Variants in ADAP2 observed in about 807,000 individuals in gnomAD.
ADAP2 encodes arf-GAP with dual PH domain-containing protein 2.
Under a neutral mutation model 54.9 loss-of-function variants are expected in ADAP2, and 42 were observed. That is an observed-to-expected ratio of 0.77 (90% CI 0.60 to 0.99). The LOEUF (loss-of-function observed/expected upper bound fraction) is 0.99, where lower values mean the gene tolerates loss of function less well. Among genes scored for constraint, ADAP2 ranks in the 50% least tolerant of loss-of-function variants. The pLI is 0.00. For synonymous variants in ADAP2, 177 were observed against 180.1 expected (o/e 0.98, Z 0.14); for missense variants, 429 against 480.4 (o/e 0.89, Z 1.00).
chr17:30,958,002 G>A lies in ADAP2; in HGVS notation c.*133G>A. On this transcript the variant is annotated 3_prime_UTR_variant, in exon 11 of 11. Transcript: ENST00000330889. Reference sequence around the variant, plus strand: ...CATTCCTGGCAGTGAACTCTGCCAGGACTGAAGCTGTGGCTTTATCCATCA... The same window carrying A: ...CATTCCTGGCAGTGAACTCTGCCAGAACTGAAGCTGTGGCTTTATCCATCA... 1.2e-6 allele frequency: 1 copy of A among 868,172 alleles called. No homozygotes were observed. The highest frequency in any genetic ancestry group is 1.9e-6 in the Non-Finnish European group (1 of 533,764). The allele number at this position is 868,172 out of a possible 1,614,324, so 53.8% of individuals were successfully genotyped here. A position where few individuals can be genotyped will look rare whatever the true frequency, so the allele number is the denominator to read the frequency against.
At chr17:30,939,434 A>G (rs2142544097) in intron 5 of ADAP2, among the ~76,000 whole-genome samples, 2 of 129,864 alleles carry the variant, frequency 1.5e-5, no homozygotes, top group Middle Eastern at 3.8e-3. Flanking sequence ...AGTGAAACTG[A>G]AAAAAAAAAA....
intron 9 of ADAP2, among the ~76,000 whole-genome samples, chr17:30,955,454 A>G (rs1904994315): frequency 6.6e-6 from 1 of 151,824 alleles, no homozygotes. Flanking sequence ...ACATCTGTAA[A>G]CCCAGCATTT....
chr17:30,932,856 C>T (rs1292540034), intron 4 of ADAP2, among the ~76,000 whole-genome samples: 1 of 152,258 alleles, frequency 6.6e-6, no homozygotes, highest in East Asian at 1.9e-4. Flanking sequence ...GCATGAGCCA[C>T]CGCGCCCAGC....
chr17:30,923,023 A>T lies in ADAP2; in HGVS notation c.178A>T (p.Arg60Ter), dbSNP rs901595228. Residue 60 changes from arginine (R) to a stop codon, truncating the protein, a stop_gained, in exon 2 of 11, where the codon AGA becomes TGA. Coordinates refer to ENST00000330889, the MANE Select transcript of ADAP2 (RefSeq NM_018404.3). LOFTEE classifies it high-confidence loss of function. ...GVHRNFPDIS[R>*]VKSVRLDFWD... ...CCACCGTAACTTCCCTGACATCAGC[A>T]GAGTTAAATCTGTGCGACTTGACTT... 14 of 1,614,052 alleles carry T rather than the reference A, an allele frequency of 8.7e-6. No individual in the cohort carries two copies. Among genetic ancestry groups the T allele is most frequent in the Non-Finnish European group, 1.2e-5 (14 of 1,180,004 alleles).
intron 4 of ADAP2, among the ~76,000 whole-genome samples, chr17:30,933,332 C>T (rs1214776146): frequency 6.6e-6 from 1 of 151,962 alleles, no homozygotes; most frequent in Non-Finnish European, 1.5e-5. Flanking sequence ...GGATTACAGG[C>T]ATGCACAACC....
At chr17:30,942,955 G>A (rs1471375056) in intron 5 of ADAP2, among the ~76,000 whole-genome samples, 1 of 152,240 alleles carries the variant, frequency 6.6e-6, no homozygotes, top group South Asian at 2.1e-4. Context: ...TGGCAGGAAT[G>A]TAAATTAGTT....
chr17:30,953,915 T>TA lies in ADAP2; in HGVS notation c.805-562dup, dbSNP rs774066392. ...TTGGCTCATCAGCTATCATTAGTGT[T>TA]AGTGTATTTTATGTGTGGCCCAAGA... is the stretch of plus-strand genomic sequence containing the variant. On this transcript the variant is annotated intron_variant, in intron 8 of 10. Transcript: ENST00000330889. Among the ~76,000 whole-genome samples, 20 of 152,176 alleles carry TA rather than the reference T, an allele frequency of 1.3e-4. 1 individual carries two copies. The highest frequency in any genetic ancestry group is 3.4e-3 in the Middle Eastern group (1 of 294).
chr17:30,940,301 C>T (rs1243767428), intron 5 of ADAP2, among the ~76,000 whole-genome samples: 2 of 143,040 alleles, frequency 1.4e-5, no homozygotes, highest in Admixed American at 1.3e-4. Context: ...GATGGGTACC[C>T]TTTACAGATT....
chr17:30,955,133 A>G (rs544215117), intron 9 of ADAP2, among the ~76,000 whole-genome samples: 1 of 151,154 alleles, frequency 6.6e-6, no homozygotes, highest in South Asian at 2.1e-4. Flanking sequence ...TTTTAGAGAC[A>G]GAGTCTCTCT....
chr17:30,934,472 A>C lies in ADAP2; in HGVS notation c.510+175A>C, dbSNP rs541907020. Among the ~76,000 whole-genome samples the C allele has an allele frequency of 5.3e-5, 8 of 152,282 alleles. No homozygotes were observed. The East Asian group carries it at 1.5e-3, about 29-fold the overall frequency. On this transcript the variant is annotated intron_variant, in intron 5 of 10. Transcript: ENST00000330889. The stretch of plus-strand genomic sequence containing the variant: ...CAGTAAATCCAGTCCACCAAAAATC[A>C]TACTTTCTGTCCACCTAGAATCAGC...
At chr17:30,942,822 A>G (rs1414188672) in intron 5 of ADAP2, among the ~76,000 whole-genome samples, 2 of 152,238 alleles carry the variant, frequency 1.3e-5, no homozygotes, top group African/African-American at 4.8e-5. Flanking sequence ...CACTAATCAG[A>G]GAAATGTAAG....
chr17:30,922,857 C>T, intron 1 of ADAP2, 83 bp from the exon 2 acceptor site: 5 of 1,489,308 alleles, frequency 3.4e-6, no homozygotes, highest in Non-Finnish European at 3.7e-6. Context: ...AGGGGCGCCC[C>T]ACCTGCCCCA....
intron 2 of ADAP2, among the ~76,000 whole-genome samples, chr17:30,926,197 G>A (rs937357635): frequency 1.3e-5 from 2 of 152,210 alleles, no homozygotes; most frequent in Non-Finnish European, 2.9e-5. Flanking sequence ...AGATGCCCAA[G>A]CGATGTGAAT....
intron 5 of ADAP2, among the ~76,000 whole-genome samples, chr17:30,935,203 C>T (rs1034649563): frequency 6.6e-6 from 1 of 151,992 alleles, no homozygotes; most frequent in African/African-American, 2.4e-5. Flanking sequence ...CCCATCTCTA[C>T]TAAAAAAATA....
chr17:30,922,849 G>A (rs1392206598), intron 1 of ADAP2, 91 bp from the exon 2 acceptor site: 7 of 1,445,124 alleles, frequency 4.8e-6, no homozygotes, highest in Non-Finnish European at 6.6e-6. Flanking sequence ...GTGGGAGAAG[G>A]GGCGCCCCAC....
In ADAP2 at chr17:30,926,859, G is replaced by A. The variant is rs201679409; in HGVS notation, c.258G>A (p.Lys86=). 204 of 1,614,116 alleles carry A rather than the reference G, an allele frequency of 1.3e-4. No homozygotes were observed. The highest frequency in any genetic ancestry group is 1.5e-4 in the Non-Finnish European group (178 of 1,180,052). The part of the protein sequence containing the change: ...FMIHNGNLRV[K]AKFEARVPAF... The stretch of plus-strand genomic sequence containing the variant: ...TCCACAATGGAAACCTCCGTGTGAA[G>A]GCCAAGTTCGAAGCCAGAGTCCCAG... The change falls in exon 3 of 11, where the codon AAG becomes AAA. Residue 86 remains lysine, a synonymous_variant. Transcript: ENST00000330889.
chr17:30,926,869 G>A lies in ADAP2; in HGVS notation c.268G>A (p.Glu90Lys), dbSNP rs757139442. 3 of 1,614,200 alleles carry A rather than the reference G, an allele frequency of 1.9e-6. No individual in the cohort carries two copies. The highest frequency in any genetic ancestry group is 3.3e-5 in the Admixed American group (2 of 60,020). Residue 90 changes from glutamate to lysine, a missense_variant, in exon 3 of 11, where the codon GAA (glutamate) becomes AAA (lysine). Transcript: ENST00000330889. Reference sequence around the variant, plus strand: ...AAACCTCCGTGTGAAGGCCAAGTTCGAAGCCAGAGTCCCAGCTTTCTACTA... The same window carrying A: ...AAACCTCCGTGTGAAGGCCAAGTTCAAAGCCAGAGTCCCAGCTTTCTACTA... Reference protein sequence around the residue: ...NGNLRVKAKFEARVPAFYYIP... With the variant: ...NGNLRVKAKFKARVPAFYYIP...
chr17:30,959,307 G>C lies in ADAP2; in HGVS notation c.*1438G>C, dbSNP rs1905287697. On this transcript the variant is annotated 3_prime_UTR_variant, in exon 11 of 11. Coordinates refer to ENST00000330889, the MANE Select transcript of ADAP2 (RefSeq NM_018404.3). ...GGAAAGAACAGACACAAGAGATAAA[G>C]TCCTAATGAAATGGAGTGCTTGGTT... is the stretch of plus-strand genomic sequence containing the variant. The C allele has an allele frequency of 6.6e-6, 1 of 152,216 alleles. No homozygotes were observed. The highest frequency in any genetic ancestry group is 2.4e-5 in the African/African-American group (1 of 41,438). The allele number at this position is 152,216 out of a possible 1,614,324, so 9.4% of individuals were successfully genotyped here. A position where few individuals can be genotyped will look rare whatever the true frequency, so the allele number is the denominator to read the frequency against.
chr17:30,944,910 A>G lies in ADAP2; in HGVS notation c.514A>G (p.Lys172Glu), dbSNP rs1912542583. Residue 172 changes from lysine (K) to glutamate (E), a missense_variant, in exon 6 of 11, where the codon AAA becomes GAA. Transcript: ENST00000330889. The part of the protein sequence containing the change: ...LLKYFTKEQG[K>E]SPKAVISIKD... ...TCTTTCTCTTTCTCTCTTTCAGGGT[A>G]AAAGCCCCAAAGCTGTCATCAGCAT... The G allele has an allele frequency of 1.9e-6, 3 of 1,613,394 alleles. No individual in the cohort carries two copies. The highest frequency in any genetic ancestry group is 1.7e-5 in the Admixed American group (1 of 59,798).
Sources: allele counts gnomAD v4.1 joint callset (sites outside exome capture counted in the v4.1 genomes callset), GRCh38; gene constraint gnomAD v4.1.1; transcripts MANE v1.5; gene names NCBI Gene and HGNC (gene_info 2026-07-23, HGNC 2026-07-21).